The following ACACB variants were observed in gnomAD, a reference collection of about 807,000 sequenced individuals.
The protein encoded by ACACB is acetyl-CoA carboxylase beta, also known as acetyl-CoA carboxylase 2.
ACACB carries 209 observed loss-of-function variants against 278.8 expected under a neutral mutation model. The observed-to-expected ratio is 0.75, with a 90% CI of 0.67 to 0.84. The LOEUF (loss-of-function observed/expected upper bound fraction) is 0.84. Ranked by LOEUF, ACACB falls within the 40% of genes least tolerant of loss-of-function variation. The pLI is 0.00. For missense variants in ACACB, 2,850 were observed against 3,269.0 expected (o/e 0.87, Z 3.13); for synonymous variants, 1,174 against 1,285.6 (o/e 0.91, Z 1.86).
intron 1 of ACACB, among the ~76,000 whole-genome samples, chr12:109,134,925 T>C (rs1030078811): frequency 6.6e-6 from 1 of 152,208 alleles, no homozygotes; most frequent in African/African-American, 2.4e-5. Flanking sequence ...AGTGCCATGG[T>C]TGAGAAATCC....
chr12:109,113,267 A>G (rs1405187006), upstream of ACACB: 1 of 152,248 alleles, frequency 6.6e-6, no homozygotes, highest in Non-Finnish European at 1.5e-5. Context: ...CCAGGCCACA[A>G]AGAGGAACAA....
intron 1 of ACACB, among the ~76,000 whole-genome samples, chr12:109,136,203 A>G (rs183700759): frequency 2.6e-5 from 4 of 152,334 alleles, no homozygotes; most frequent in South Asian, 2.1e-4. Flanking sequence ...CCATTGATCT[A>G]TATGTCTATC....
intron 23 of ACACB, 30 bp from the exon 24 acceptor site, chr12:109,216,766 T>TAA (rs1222313938): frequency 6.2e-7 from 1 of 1,614,018 alleles, no homozygotes; most frequent in Non-Finnish European, 8.5e-7. Flanking sequence ...GCCTGAGCTT[T>TAA]ACCTCTGTGT....
intron 33 of ACACB, chr12:109,236,281 T>A (rs896039304): frequency 2.6e-5 from 4 of 152,598 alleles, no homozygotes; most frequent in Admixed American, 6.5e-5. Context: ...TGCATGGCAC[T>A]CAGACCTGAG....
In ACACB at chr12:109,265,133, A is replaced by G. The variant is rs547306258; in HGVS notation, c.6966A>G (p.Ala2322=). 9 of 1,612,482 alleles carry G rather than the reference A, an allele frequency of 5.6e-6. 1 individual carries two copies. In the African/African-American group the frequency reaches 9.3e-5, roughly 17 times the overall value. ...VISDILEWKT[A]RTFLYWRLRR... is the part of the protein sequence containing the mutation. ...AGGACATCCTGGAGTGGAAGACCGC[A>G]CGCACCTTCCTGTATTGGCGTCTGC... The change falls in exon 51 of 53, where the codon GCA becomes GCG. Residue 2322 remains alanine, a synonymous_variant. Transcript: ENST00000338432.
chr12:109,192,713 G>C lies in ACACB; in HGVS notation c.2399+763G>C, dbSNP rs146892011. On this transcript the variant is annotated intron_variant, in intron 15 of 52. Coordinates refer to ENST00000338432, the MANE Select transcript of ACACB (RefSeq NM_001093.4). ...CATCCAGGCTATCACCCAGGCTAGA[G>C]TGCAGTGGTATGATCACAGCTCACT... 1.4e-3 allele frequency among the ~76,000 whole-genome samples: 207 copies of C among 152,096 alleles called. 1 individual carries two copies. Among genetic ancestry groups the C allele is most frequent in the East Asian group, 6.0e-3 (31 of 5,176 alleles).
chr12:109,116,202 G>A (rs2042400935), upstream of ACACB, among the ~76,000 whole-genome samples: 1 of 152,212 alleles, frequency 6.6e-6, no homozygotes, highest in Non-Finnish European at 1.5e-5. Context: ...TTTCAGGGGA[G>A]AGAAGCCAGG....
intron 45 of ACACB, 146 bp downstream of exon 45, chr12:109,256,382 C>T: frequency 3.2e-6 from 2 of 631,760 alleles, no homozygotes; most frequent in South Asian, 1.8e-5. Context: ...GGAATGATTT[C>T]TGCAGTGTCT....
At chr12:109,201,747 T>G (rs994968216) in intron 19 of ACACB, 46 bp downstream of exon 19, 8 of 1,601,366 alleles carry the variant, frequency 5.0e-6, no homozygotes, top group Non-Finnish European at 6.8e-6. Context: ...GCAGGTGCAC[T>G]CGTGACCTCC....
intron 16 of ACACB, among the ~76,000 whole-genome samples, chr12:109,195,671 G>T (rs917510535): frequency 6.6e-6 from 1 of 152,052 alleles, no homozygotes; most frequent in Non-Finnish European, 1.5e-5. Context: ...TGGTGCAAAT[G>T]CAGTTTTACA....
intron 22 of ACACB, among the ~76,000 whole-genome samples, chr12:109,213,621 GT>G (rs1446269095): frequency 3.9e-5 from 6 of 151,994 alleles, no homozygotes. Flanking sequence ...TTGAGATGGA[GT>G]TTCGCTCTGT....
Position 109,188,103 on chromosome 12 carries a change from T to G in ACACB, c.2085T>G (p.Phe695Leu), listed in dbSNP as rs770277458. 5 of 1,613,258 alleles carry G rather than the reference T, an allele frequency of 3.1e-6. 1 individual carries two copies. The highest frequency in any genetic ancestry group is 4.2e-6 in the Non-Finnish European group (5 of 1,179,364). Reference sequence around the variant, plus strand: ...CCGCTACTGGAGGCCTGCACGAGTTTGCGGATTCCCAATTTGGGCACTGCT... The same window carrying G: ...CCGCTACTGGAGGCCTGCACGAGTTGGCGGATTCCCAATTTGGGCACTGCT... ...SVAATGGLHE[F>L]ADSQFGHCFS... Residue 695 changes from phenylalanine (F) to leucine (L), a missense_variant, in exon 13 of 53, where the codon TTT becomes TTG. Phe to Leu is a conservative substitution (Grantham distance 22). Around this residue, in one of 3 missense-constraint regions of ACACB, gnomAD observed 2,265 missense variants for 2,561.3 expected, o/e 0.88. Coordinates refer to ENST00000338432, the MANE Select transcript of ACACB (RefSeq NM_001093.4).
intron 12 of ACACB, among the ~76,000 whole-genome samples, chr12:109,187,436 T>TTTATTTATTTAC (rs2044702360): frequency 9.1e-6 from 1 of 109,944 alleles, no homozygotes; most frequent in African/African-American, 4.6e-5. Flanking sequence ...GCTTATTTTA[T>TTTATTTATTTAC]TTATTTATTT....
chr12:109,265,046 G>A (rs541913784), intron 50 of ACACB, 64 bp from the exon 51 acceptor site: 12 of 1,540,048 alleles, frequency 7.8e-6, no homozygotes, highest in Non-Finnish European at 1.1e-5. Context: ...TCATGGGTGT[G>A]GTCAGAGCCA....
intron 22 of ACACB, among the ~76,000 whole-genome samples, chr12:109,214,176 T>G (rs922795290): frequency 6.6e-6 from 1 of 152,096 alleles, no homozygotes; most frequent in African/African-American, 2.4e-5. Context: ...GTGAGAGGAC[T>G]GCTTGAGCCC....
intron 2 of ACACB, among the ~76,000 whole-genome samples, chr12:109,159,954 G>A (rs904211790): frequency 6.6e-6 from 1 of 151,948 alleles, no homozygotes; most frequent in African/African-American, 2.4e-5. Flanking sequence ...GCCAGGCATG[G>A]TGGCAGGCAC....
At chr12:109,156,947 A>C (rs972763457) in intron 2 of ACACB, among the ~76,000 whole-genome samples, 8 of 152,122 alleles carry the variant, frequency 5.3e-5, no homozygotes, top group South Asian at 2.1e-4. Flanking sequence ...CCATCTTCAA[A>C]ATACCACTGT....
At position 109,169,618 on chromosome 12, in the gene ACACB, C is replaced by T. The variant is rs2044040978; in HGVS notation, c.925+1584C>T. Among the ~76,000 whole-genome samples, 7 of 152,302 alleles carry T rather than the reference C, an allele frequency of 4.6e-5. No homozygotes were observed. In the South Asian group the frequency reaches 1.4e-3, roughly 32 times the overall value. On this transcript the variant is annotated intron_variant, in intron 4 of 52. Transcript: ENST00000338432. ...GCAGAGTCTTGGCACCTGCTGGAACCTCTATTGAAGGTGCTTCTCCCAGAG... is the reference window on the plus strand; with the variant it reads ...GCAGAGTCTTGGCACCTGCTGGAACTTCTATTGAAGGTGCTTCTCCCAGAG...
intron 2 of ACACB, among the ~76,000 whole-genome samples, chr12:109,166,468 C>T (rs2043897579): frequency 6.6e-6 from 1 of 151,264 alleles, no homozygotes; most frequent in East Asian, 2.0e-4. Flanking sequence ...CGTCACTTGA[C>T]ATCAAGAGTT....
Sources: allele counts gnomAD v4.1 joint callset (sites outside exome capture counted in the v4.1 genomes callset), GRCh38; gene constraint gnomAD v4.1.1; regional missense constraint gnomAD v4.1.1; transcripts MANE v1.5; gene names NCBI Gene and HGNC (gene_info 2026-07-23, HGNC 2026-07-21).